The following TMEM163 variants were observed in gnomAD, a reference collection of about 807,000 sequenced individuals.
TMEM163 encodes transmembrane protein 163.
Under a neutral mutation model 29.3 loss-of-function variants are expected in TMEM163, and 17 were observed. The observed-to-expected ratio is 0.58, with a 90% CI of 0.40 to 0.87. The LOEUF is 0.87. Among genes scored for constraint, TMEM163 ranks in the 40% least tolerant of loss-of-function variants. TMEM163 has a pLI of 0.00. For synonymous variants in TMEM163, 157 were observed against 160.6 expected (o/e 0.98, Z 0.17); for missense variants, 303 against 381.5 (o/e 0.79, Z 1.71).
intron 2 of TMEM163, among the ~76,000 whole-genome samples, chr2:134,706,734 A>G (rs2104896320): frequency 6.6e-6 from 1 of 152,228 alleles, no homozygotes; most frequent in South Asian, 2.1e-4. Context: ...GCCCACAAGG[A>G]GCCTCTGGGG....
At chr2:134,486,292 C>G (rs1056451540) in intron 5 of TMEM163, among the ~76,000 whole-genome samples, 6 of 152,148 alleles carry the variant, frequency 3.9e-5, no homozygotes, top group Admixed American at 3.9e-4. Context: ...ACCCCCAAAA[C>G]CGAATGTGAA....
intron 2 of TMEM163, among the ~76,000 whole-genome samples, chr2:134,707,752 C>T (rs773043611): frequency 2.0e-5 from 3 of 151,880 alleles, no homozygotes; most frequent in Non-Finnish European, 2.9e-5. Flanking sequence ...TTGGTGAGGC[C>T]TCTTTGGGGA....
At chr2:134,516,780 C>CATATATATATGCATATATATGAATAT (rs6146922) in intron 4 of TMEM163, among the ~76,000 whole-genome samples, 24,388 of 138,970 alleles carry the variant, frequency 0.18, 2,489 homozygotes, top group South Asian at 0.38. Flanking sequence ...CATATCTATT[C>CATATATATATGCATATATATGAATAT]ATATATATAT....
At chr2:134,717,622 G>T (rs1484808035) in intron 1 of TMEM163, among the ~76,000 whole-genome samples, 1 of 152,090 alleles carries the variant, frequency 6.6e-6, no homozygotes, top group Non-Finnish European at 1.5e-5. Context: ...ATATAAACCC[G>T]CCATAGCCAA....
chr2:134,668,599 TG>T (rs1314465050), intron 2 of TMEM163, among the ~76,000 whole-genome samples: 1 of 147,302 alleles, frequency 6.8e-6, no homozygotes, highest in Non-Finnish European at 1.5e-5. Context: ...CACTCCAGGC[TG>T]GGTGACAAGA....
At chr2:134,490,975 T>C (rs1186426543) in intron 5 of TMEM163, among the ~76,000 whole-genome samples, 1 of 152,004 alleles carries the variant, frequency 6.6e-6, no homozygotes, top group Non-Finnish European at 1.5e-5. Flanking sequence ...GGAAACTCAA[T>C]GAAAAAAAAT....
intron 6 of TMEM163, among the ~76,000 whole-genome samples, chr2:134,459,638 G>T (rs1686489222): frequency 6.6e-6 from 1 of 151,458 alleles, no homozygotes; most frequent in Non-Finnish European, 1.5e-5. Flanking sequence ...CTTCTGCCCG[G>T]GTTCCCTCCT....
chr2:134,553,269 C>G (rs1358792509), intron 2 of TMEM163, among the ~76,000 whole-genome samples: 1 of 152,198 alleles, frequency 6.6e-6, no homozygotes, highest in African/African-American at 2.4e-5. Context: ...CAGCTCATCA[C>G]AATATCCCTT....
rs150550654 is a variant in TMEM163, at chr2:134,680,175, A to G, written c.322+33025T>C. 3.6e-4 allele frequency among the ~76,000 whole-genome samples: 55 copies of G among 152,368 alleles called. 1 individual carries two copies. Among genetic ancestry groups the G allele is most frequent in the Middle Eastern group, 3.4e-3 (1 of 294 alleles). On this transcript the variant is annotated intron_variant, in intron 2 of 7. Transcript: ENST00000281924. The stretch of plus-strand genomic sequence containing the variant: ...TGCATGAGAAAAGAAGTTTTTCTAC[A>G]TAATGTTTTGGAGCAAAAAATCTTA...
At chr2:134,496,528 C>G (rs1558922828) in intron 5 of TMEM163, among the ~76,000 whole-genome samples, 2 of 152,162 alleles carry the variant, frequency 1.3e-5, no homozygotes, top group Non-Finnish European at 2.9e-5. Context: ...AATGGATGCA[C>G]CAGTGAACAG....
At chr2:134,700,779 A>T (rs1051245688) in intron 2 of TMEM163, among the ~76,000 whole-genome samples, 5 of 151,986 alleles carry the variant, frequency 3.3e-5, no homozygotes, top group African/African-American at 7.3e-5. Flanking sequence ...GGTGACTGTA[A>T]TCTCAGCTAC....
intron 2 of TMEM163, among the ~76,000 whole-genome samples, chr2:134,706,040 G>A (rs563249011): frequency 3.2e-4 from 48 of 152,338 alleles, no homozygotes; most frequent in East Asian, 9.7e-4. Context: ...TGAGAAGGGA[G>A]GCAGGGCAGG....
chr2:134,494,350 CAT>C (rs1679498509), intron 5 of TMEM163, among the ~76,000 whole-genome samples: 1 of 152,194 alleles, frequency 6.6e-6, no homozygotes, highest in African/African-American at 2.4e-5. Flanking sequence ...ACTTTGACCA[CAT>C]ATGATTGTTT....
intron 5 of TMEM163, among the ~76,000 whole-genome samples, chr2:134,480,287 A>G (rs1687019603): frequency 6.6e-6 from 1 of 151,916 alleles, no homozygotes. Flanking sequence ...GCCTTTGCAC[A>G]TGCCACTCTC....
chr2:134,553,617 C>G (rs752752287), intron 2 of TMEM163, among the ~76,000 whole-genome samples: 39 of 152,190 alleles, frequency 2.6e-4, no homozygotes, highest in Non-Finnish European at 4.9e-4. Context: ...CAGCCATATT[C>G]AGGTCCTCAA....
intron 5 of TMEM163, among the ~76,000 whole-genome samples, chr2:134,496,927 C>T (rs1284241658): frequency 6.6e-6 from 1 of 152,096 alleles, no homozygotes; most frequent in Non-Finnish European, 1.5e-5. Flanking sequence ...AACCTGTGGC[C>T]CCCTCTGCAG....
intron 2 of TMEM163, among the ~76,000 whole-genome samples, chr2:134,592,354 A>G (rs1481814335): frequency 6.6e-6 from 1 of 152,164 alleles, no homozygotes; most frequent in Non-Finnish European, 1.5e-5. Flanking sequence ...TACAGATGCA[A>G]ATTTCCCCAC....
intron 2 of TMEM163, among the ~76,000 whole-genome samples, chr2:134,558,373 C>A (rs1396965647): frequency 6.6e-6 from 1 of 152,174 alleles, no homozygotes; most frequent in African/African-American, 2.4e-5. Flanking sequence ...GTAATAACAG[C>A]TACTCTCCCA....
At chr2:134,483,653 C>T (rs796900781) in intron 5 of TMEM163, among the ~76,000 whole-genome samples, 3 of 152,174 alleles carry the variant, frequency 2.0e-5, no homozygotes, top group African/African-American at 7.2e-5. Context: ...TCCTGCCCCC[C>T]GGCCTTAAGA....
Sources: allele counts gnomAD v4.1 joint callset (sites outside exome capture counted in the v4.1 genomes callset), GRCh38; gene constraint gnomAD v4.1.1; transcripts MANE v1.5; gene names NCBI Gene and HGNC (gene_info 2026-07-23, HGNC 2026-07-21).